Variants in RBFOX1 observed in about 807,000 individuals in gnomAD.
RBFOX1 encodes RNA binding protein fox-1 homolog 1.
RBFOX1 carries 8 observed loss-of-function variants against 57.7 expected under a neutral mutation model. The ratio of observed to expected loss-of-function variants is 0.14; its 90% confidence interval spans 0.08 to 0.25. RBFOX1 has a LOEUF of 0.25. Among genes scored for constraint, RBFOX1 ranks in the 10% least tolerant of loss-of-function variants. The pLI is 1.00. For synonymous variants in RBFOX1, 326 were observed against 222.4 expected (o/e 1.47, Z -4.15); for missense variants, 611 against 548.5 (o/e 1.11, Z -1.14).
chr16:7,446,028 C>T (rs115866951), intron 4 of RBFOX1, among the ~76,000 whole-genome samples: 2,204 of 152,270 alleles, frequency 0.014, 55 homozygotes, highest in African/African-American at 0.05. Context: ...CAATTTGTAG[C>T]ATGGTCTTGC....
At chr16:5,509,342 C>G (rs989759433) in intron 2 of RBFOX1, among the ~76,000 whole-genome samples, 7 of 152,330 alleles carry the variant, frequency 4.6e-5, no homozygotes, top group Middle Eastern at 6.8e-3. Context: ...CCATGGTACT[C>G]CCTGTGAATG....
intron 2 of RBFOX1, among the ~76,000 whole-genome samples, chr16:5,578,883 T>C (rs1200066019): frequency 2.1e-5 from 3 of 145,680 alleles, no homozygotes; most frequent in African/African-American, 2.6e-5. Flanking sequence ...AGTCTCACTC[T>C]GTCGCCCAGA....
chr16:5,996,193 G>T (rs1398294492), intron 4 of RBFOX1, among the ~76,000 whole-genome samples: 3 of 152,014 alleles, frequency 2.0e-5, no homozygotes, highest in Non-Finnish European at 4.4e-5. Flanking sequence ...TAACAGAAAG[G>T]GATACTGAAC....
chr16:7,408,356 AT>A (rs1427030353), intron 4 of RBFOX1, among the ~76,000 whole-genome samples: 6 of 152,200 alleles, frequency 3.9e-5, no homozygotes, highest in Non-Finnish European at 5.9e-5. Flanking sequence ...TCATTTTGAA[AT>A]TTTAAAAAAT....
intron 3 of RBFOX1, among the ~76,000 whole-genome samples, chr16:6,843,157 G>A (rs983854298): frequency 3.9e-5 from 6 of 152,098 alleles, no homozygotes; most frequent in African/African-American, 1.4e-4. Context: ...TTAAGCATAT[G>A]ATTCTCTGAG....
intron 1 of RBFOX1, among the ~76,000 whole-genome samples, chr16:6,252,169 T>A (rs951112018): frequency 6.6e-6 from 1 of 152,014 alleles, no homozygotes; most frequent in Non-Finnish European, 1.5e-5. Flanking sequence ...TGTCTTTGGT[T>A]TTGCGTCCCT....
At chr16:5,698,925 C>T (rs77672404) in intron 3 of RBFOX1, among the ~76,000 whole-genome samples, 2,411 of 151,208 alleles carry the variant, frequency 0.016, 79 homozygotes, top group African/African-American at 0.054. Flanking sequence ...TTCTTTCTTT[C>T]CCATCCATCT....
At chr16:7,360,461 C>G (rs561026798) in intron 4 of RBFOX1, among the ~76,000 whole-genome samples, 2 of 152,138 alleles carry the variant, frequency 1.3e-5, no homozygotes, top group Non-Finnish European at 2.9e-5. Context: ...ATGGGAGAAG[C>G]CTTTACTAAT....
At chr16:6,731,943 A>T (rs1324984287) in intron 3 of RBFOX1, among the ~76,000 whole-genome samples, 1 of 152,176 alleles carries the variant, frequency 6.6e-6, no homozygotes, top group African/African-American at 2.4e-5. Flanking sequence ...TCTAGGAGTA[A>T]TGTATGAAAT....
Position 6,019,887 on chromosome 16 carries a change from C to G in RBFOX1, c.-232C>G, listed in dbSNP as rs556905444. On this transcript the variant is annotated 5_prime_UTR_variant, in exon 1 of 16. Coordinates refer to ENST00000550418, the MANE Select transcript of RBFOX1 (RefSeq NM_018723.4). This position sits in a 1 kb window ranked among gnomAD's most constrained non-coding sequence, Gnocchi z 4.2. ...GTGAGAAACCAGCACCCCCTTCCGC[C>G]GCCTCCAGCTTATGGTGAGTGTGGC... 1.8e-4 allele frequency: 269 copies of G among 1,534,856 alleles called. No homozygotes were observed. Among genetic ancestry groups the G allele is most frequent in the Non-Finnish European group, 2.2e-4 (255 of 1,146,532 alleles).
At chr16:5,975,332 G>A (rs898548283) in intron 4 of RBFOX1, among the ~76,000 whole-genome samples, 3 of 152,198 alleles carry the variant, frequency 2.0e-5, no homozygotes, top group African/African-American at 2.4e-5. Flanking sequence ...TGCAGCCTTC[G>A]TCCATATCAT....
At chr16:7,128,738 A>G (rs1460211985) in intron 4 of RBFOX1, among the ~76,000 whole-genome samples, 1 of 152,120 alleles carries the variant, frequency 6.6e-6, no homozygotes, top group African/African-American at 2.4e-5. Flanking sequence ...TGGTCATATC[A>G]CAAAGGGCTA....
At chr16:6,324,089 C>T (rs778832109) in intron 2 of RBFOX1, among the ~76,000 whole-genome samples, 5 of 152,104 alleles carry the variant, frequency 3.3e-5, no homozygotes, top group East Asian at 1.9e-4. Context: ...GAGCTTTTAG[C>T]GTAACCATCA....
At chr16:7,641,735 G>C (rs971867535) in intron 11 of RBFOX1, among the ~76,000 whole-genome samples, 3 of 152,188 alleles carry the variant, frequency 2.0e-5, no homozygotes, top group African/African-American at 4.8e-5. Flanking sequence ...TTAGTGAAAA[G>C]AGCTGGATTC....
chr16:7,133,086 C>T (rs931571057), intron 4 of RBFOX1, among the ~76,000 whole-genome samples: 13 of 152,228 alleles, frequency 8.5e-5, no homozygotes, highest in African/African-American at 3.1e-4. Flanking sequence ...TATGGCAAAA[C>T]TATTTTTTGA....
intron 3 of RBFOX1, among the ~76,000 whole-genome samples, chr16:6,823,851 T>C (rs2091729157): frequency 6.6e-6 from 1 of 152,158 alleles, no homozygotes; most frequent in African/African-American, 2.4e-5. Flanking sequence ...TAGAGGGCTC[T>C]GTGCTGTGGG....
chr16:7,210,199 A>G (rs1038215029), intron 4 of RBFOX1, among the ~76,000 whole-genome samples: 1 of 152,200 alleles, frequency 6.6e-6, no homozygotes, highest in Non-Finnish European at 1.5e-5. Flanking sequence ...AAGAAACACA[A>G]CCAATAGGAT....
At chr16:7,428,212 C>T (rs2098641130) in intron 4 of RBFOX1, among the ~76,000 whole-genome samples, 1 of 152,014 alleles carries the variant, frequency 6.6e-6, no homozygotes, top group East Asian at 1.9e-4. Flanking sequence ...CCCTTTTATT[C>T]ATTTAGTTTC....
chr16:7,238,620 G>A (rs997376147), intron 4 of RBFOX1, among the ~76,000 whole-genome samples: 12 of 152,164 alleles, frequency 7.9e-5, no homozygotes, highest in African/African-American at 2.9e-4. Context: ...AAATGAATAT[G>A]CATTTCTTTC....
Sources: gnomAD v4.1 joint callset for allele counts (sites outside exome capture counted in the v4.1 genomes callset) on GRCh38, gnomAD v4.1.1 for gene constraint, Gnocchi (gnomAD v3.1) non-coding constraint, MANE v1.5 for transcripts, NCBI Gene and HGNC (gene_info 2026-07-23, HGNC 2026-07-21) for gene names.